The following REDIC1 variants were observed in gnomAD, a reference collection of about 807,000 sequenced individuals.
REDIC1 encodes regulator of DNA class I crossover intermediates 1, also known as HEI10 Interacting Protein 1.
chr12:39,881,974 C>T, the REDIC1 span, among the ~76,000 whole-genome samples: 1 of 152,100 alleles, frequency 6.6e-6, no homozygotes, highest in African/African-American at 2.4e-5. Context: ...CTTTTAACTG[C>T]TCTACCACCA....
chr12:39,717,502 C>T, the REDIC1 span, among the ~76,000 whole-genome samples: 2 of 151,866 alleles, frequency 1.3e-5, no homozygotes, highest in Non-Finnish European at 2.9e-5. Flanking sequence ...GTTGAGTAGG[C>T]TGAGGAGGAG....
At chr12:39,711,475 GTA>G in the REDIC1 span, among the ~76,000 whole-genome samples, 2 of 141,484 alleles carry the variant, frequency 1.4e-5, no homozygotes, top group Non-Finnish European at 3.1e-5. Context: ...ATACATATAT[GTA>G]TGTGTATATA....
the REDIC1 span, among the ~76,000 whole-genome samples, chr12:39,767,695 T>C: frequency 0.97 from 147,993 of 152,192 alleles, 71,956 homozygotes; most frequent in East Asian, 1. Context: ...TTTTGAATTG[T>C]AGTTCCCATA....
the REDIC1 span, among the ~76,000 whole-genome samples, chr12:39,793,678 G>T: frequency 2.0e-5 from 3 of 152,126 alleles, no homozygotes; most frequent in East Asian, 3.9e-4. Flanking sequence ...TGGGACCTCT[G>T]ATTTTAGGCA....
At chr12:39,699,821 A>ACCCCCC in the REDIC1 span, among the ~76,000 whole-genome samples, 2 of 151,744 alleles carry the variant, frequency 1.3e-5, no homozygotes, top group Non-Finnish European at 2.9e-5. Context: ...AGGCACCCCC[A>ACCCCCC]AGCAGTGGTA....
chr12:39,697,660 T>C, the REDIC1 span, among the ~76,000 whole-genome samples: 1 of 152,204 alleles, frequency 6.6e-6, no homozygotes, highest in East Asian at 1.9e-4. Context: ...TGCTCATTTT[T>C]TTATGCAAAC....
chr12:39,795,656 C>A, the REDIC1 span, among the ~76,000 whole-genome samples: 1 of 152,120 alleles, frequency 6.6e-6, no homozygotes, highest in Non-Finnish European at 1.5e-5. Context: ...TTGGCTGTTG[C>A]TAGACACCTG....
the REDIC1 span, among the ~76,000 whole-genome samples, chr12:39,662,802 C>T: frequency 4.6e-5 from 7 of 152,002 alleles, no homozygotes; most frequent in Non-Finnish European, 1.0e-4. Context: ...TATGTTCCTT[C>T]TGTGCTTAGT....
the REDIC1 span, among the ~76,000 whole-genome samples, chr12:39,861,950 G>T: frequency 6.6e-6 from 1 of 152,114 alleles, no homozygotes; most frequent in Admixed American, 6.6e-5. Flanking sequence ...TGCCATGGTG[G>T]TTTGCTGCAC....
At chr12:39,847,700 CAGAGAG>C in the REDIC1 span, among the ~76,000 whole-genome samples, 5 of 151,944 alleles carry the variant, frequency 3.3e-5, no homozygotes, top group Non-Finnish European at 5.9e-5. Context: ...TTTCACATGA[CAGAGAG>C]AGAGAAAGAC....
At chr12:39,845,195 A>G in the REDIC1 span, among the ~76,000 whole-genome samples, 1 of 151,942 alleles carries the variant, frequency 6.6e-6, no homozygotes, top group East Asian at 1.9e-4. Context: ...AATATAGGTT[A>G]GGTTATTTTA....
At chr12:39,659,652 C>G in the REDIC1 span, among the ~76,000 whole-genome samples, 5 of 147,888 alleles carry the variant, frequency 3.4e-5, no homozygotes, top group East Asian at 9.9e-4. Flanking sequence ...TCAGTATTTC[C>G]TCTGTCTCCT....
At chr12:39,764,773 G>A in the REDIC1 span, 1 of 1,612,768 alleles carries the variant, frequency 6.2e-7, no homozygotes, top group African/African-American at 1.3e-5. Flanking sequence ...ATAAGGCCCA[G>A]AAGTGCAGTC....
the REDIC1 span, among the ~76,000 whole-genome samples, chr12:39,679,227 A>G: frequency 6.6e-6 from 1 of 152,182 alleles, no homozygotes; most frequent in East Asian, 1.9e-4. Flanking sequence ...GTTGCTGTTC[A>G]CCAATGACAT....
At chr12:39,636,164 C>T in the REDIC1 span, among the ~76,000 whole-genome samples, 2,804 of 151,870 alleles carry the variant, frequency 0.018, 87 homozygotes, top group African/African-American at 0.064. Flanking sequence ...AATGGCTGTT[C>T]GTGTTTATGA....
chr12:39,700,024 C>T, the REDIC1 span, among the ~76,000 whole-genome samples: 55 of 152,260 alleles, frequency 3.6e-4, no homozygotes, highest in South Asian at 2.9e-3. Context: ...CTCTAAAAAG[C>T]AGAGCGCCTC....
chr12:39,675,931 A>T, the REDIC1 span, among the ~76,000 whole-genome samples: 1 of 152,222 alleles, frequency 6.6e-6, no homozygotes, highest in African/African-American at 2.4e-5. Flanking sequence ...ACCCTGTGGG[A>T]CAAAAGAATC....
chr12:39,897,850 A>T, the REDIC1 span, among the ~76,000 whole-genome samples: 1 of 152,164 alleles, frequency 6.6e-6, no homozygotes, highest in Non-Finnish European at 1.5e-5. Context: ...CACAAAATGT[A>T]TATGTGCATA....
At chr12:39,765,729 ATTATT>A in the REDIC1 span, among the ~76,000 whole-genome samples, 6 of 152,226 alleles carry the variant, frequency 3.9e-5, no homozygotes, top group South Asian at 4.1e-4. Context: ...ATTTAAAAAA[ATTATT>A]TTATTTAAGT....
Sources: allele counts gnomAD v4.1 joint callset (sites outside exome capture counted in the v4.1 genomes callset), GRCh38; gene constraint gnomAD v4.1.1; transcripts MANE v1.5; gene names NCBI Gene and HGNC (gene_info 2026-07-23, HGNC 2026-07-21).